Variants in RPS6KC1 observed in about 807,000 individuals in gnomAD.
RPS6KC1 encodes the protein inactive ribosomal protein S6 kinase delta-1.
In RPS6KC1, 54 loss-of-function variants were observed where a neutral mutation model predicts 103.8. That is an observed-to-expected ratio of 0.52 (90% CI 0.42 to 0.65). RPS6KC1 has a LOEUF of 0.65. Among genes scored for constraint, RPS6KC1 ranks in the 30% least tolerant of loss-of-function variants. The pLI is 0.00. For missense variants in RPS6KC1, 1,151 were observed against 1,253.8 expected, an observed-to-expected ratio of 0.92 and a Z score of 1.24; for synonymous variants, 439 against 438.7, an observed-to-expected ratio of 1.00 and a Z score of -0.01.
the RPS6KC1 span, among the ~76,000 whole-genome samples, chr1:213,503,706 C>G: frequency 6.6e-6 from 1 of 152,080 alleles, no homozygotes; most frequent in African/African-American, 2.4e-5. Flanking sequence ...AATCTTCATG[C>G]AAGAGATTGA....
chr1:213,360,133 A>G, the RPS6KC1 span, among the ~76,000 whole-genome samples: 1 of 152,208 alleles, frequency 6.6e-6, no homozygotes, highest in African/African-American at 2.4e-5. Context: ...GTTCTCCTGT[A>G]TAATATCCCG....
At chr1:213,746,574 A>T in the RPS6KC1 span, among the ~76,000 whole-genome samples, 3 of 152,340 alleles carry the variant, frequency 2.0e-5, no homozygotes, top group Middle Eastern at 3.4e-3. Context: ...GCCACTAGAG[A>T]ATTTTAAGCA....
chr1:213,435,944 C>T, the RPS6KC1 span, among the ~76,000 whole-genome samples: 1 of 152,082 alleles, frequency 6.6e-6, no homozygotes, highest in South Asian at 2.1e-4. Context: ...CCTCTGGGCT[C>T]TGCCTGAGTT....
the RPS6KC1 span, among the ~76,000 whole-genome samples, chr1:213,775,602 C>T: frequency 1.3e-3 from 198 of 152,326 alleles, 1 homozygote; most frequent in Non-Finnish European, 2.0e-3. Context: ...TTTGAGCCTT[C>T]AGCACATCAT....
intron 12 of RPS6KC1, among the ~76,000 whole-genome samples, chr1:213,258,652 A>T (rs1278679730): frequency 6.6e-6 from 1 of 152,196 alleles, no homozygotes; most frequent in Non-Finnish European, 1.5e-5. Flanking sequence ...TTTGAATGTT[A>T]TCTAATGGTC....
At chr1:213,398,232 G>T in the RPS6KC1 span, among the ~76,000 whole-genome samples, 1 of 132,896 alleles carries the variant, frequency 7.5e-6, no homozygotes, top group Non-Finnish European at 1.5e-5. Flanking sequence ...TTTTAGTAGA[G>T]ACAGGGTTTC....
chr1:213,690,437 T>C, the RPS6KC1 span, among the ~76,000 whole-genome samples: 45 of 152,106 alleles, frequency 3.0e-4, 1 homozygote, highest in Admixed American at 1.3e-4. Context: ...ACTGCATCAT[T>C]TCATTCGGTA....
chr1:213,629,404 A>G, the RPS6KC1 span, among the ~76,000 whole-genome samples: 1 of 151,718 alleles, frequency 6.6e-6, no homozygotes, highest in Non-Finnish European at 1.5e-5. Context: ...TAGGATTGCA[A>G]CCCCTGCCTT....
the RPS6KC1 span, among the ~76,000 whole-genome samples, chr1:213,594,663 G>T: frequency 6.6e-6 from 1 of 152,090 alleles, no homozygotes; most frequent in African/African-American, 2.4e-5. Flanking sequence ...CATTTATATA[G>T]TACTTACCAT....
the RPS6KC1 span, among the ~76,000 whole-genome samples, chr1:213,560,811 G>C: frequency 6.6e-6 from 1 of 152,198 alleles, no homozygotes; most frequent in African/African-American, 2.4e-5. Context: ...AGGTGTATTT[G>C]TGTCACAGTT....
chr1:213,174,480 G>A (rs1428332410), intron 7 of RPS6KC1, among the ~76,000 whole-genome samples: 6 of 151,870 alleles, frequency 4.0e-5, no homozygotes, highest in Admixed American at 6.6e-5. Context: ...AACCAGCCTC[G>A]CCAACATGAT....
chr1:213,609,725 T>A, the RPS6KC1 span, among the ~76,000 whole-genome samples: 1 of 150,196 alleles, frequency 6.7e-6, no homozygotes, highest in African/African-American at 2.4e-5. Flanking sequence ...AGGGCCAGAA[T>A]GAAGCCATCT....
At chr1:213,834,811 A>G in the RPS6KC1 span, among the ~76,000 whole-genome samples, 2 of 152,066 alleles carry the variant, frequency 1.3e-5, no homozygotes, top group African/African-American at 4.8e-5. Context: ...TGTTTTCCGC[A>G]TTCTGTATTT....
Position 213,274,669 on chromosome 1 carries a change from C to CT in RPS6KC1, c.*2037dup, listed in dbSNP as rs2095104880. 1 of 151,294 alleles carries CT rather than the reference C, an allele frequency of 6.6e-6. No individual in the cohort carries two copies. Among genetic ancestry groups the CT allele is most frequent in the Admixed American group, 6.6e-5 (1 of 15,216 alleles). The allele number at this position is 151,294 out of a possible 1,614,324, so 9.4% of individuals were successfully genotyped here. The stretch of plus-strand genomic sequence containing the variant: ...TGGTGTGTACATATTTTAAGCTGTA[C>CT]TTCTGTGAATGGTACTGATTTTTGT... On this transcript the variant is annotated 3_prime_UTR_variant, in exon 15 of 15. Transcript: ENST00000366960.
chr1:213,211,345 CA>C (rs1468772657), intron 8 of RPS6KC1, among the ~76,000 whole-genome samples: 1 of 152,180 alleles, frequency 6.6e-6, no homozygotes, highest in African/African-American at 2.4e-5. Context: ...AGATTCTTCA[CA>C]AAAACAGAAA....
At chr1:213,615,724 G>T in the RPS6KC1 span, among the ~76,000 whole-genome samples, 2 of 152,254 alleles carry the variant, frequency 1.3e-5, no homozygotes, top group Non-Finnish European at 2.9e-5. Context: ...CTGGAACTTT[G>T]CAAGCCAGCT....
chr1:213,372,968 G>A, the RPS6KC1 span, among the ~76,000 whole-genome samples: 2 of 152,152 alleles, frequency 1.3e-5, no homozygotes, highest in Non-Finnish European at 2.9e-5. Flanking sequence ...GAAGGTGTAT[G>A]TTTGACAAGC....
At position 213,102,486 on chromosome 1, in the gene RPS6KC1, G is replaced by T. The variant is rs368638588; in HGVS notation, c.263-1968G>T. On this transcript the variant is annotated intron_variant, in intron 3 of 14. Coordinates refer to ENST00000366960, the MANE Select transcript of RPS6KC1 (RefSeq NM_012424.6). ...TTGTATGTCATTTGTCTTTTAAAAA[G>T]ATTTCTGGGAAGCTACAGTATAATT... is the stretch of plus-strand genomic sequence containing the variant. 1.8e-4 allele frequency among the ~76,000 whole-genome samples: 27 copies of T among 152,220 alleles called. 1 individual carries two copies. The highest frequency in any genetic ancestry group is 5.1e-4 in the African/African-American group (21 of 41,542).
the RPS6KC1 span, among the ~76,000 whole-genome samples, chr1:213,517,918 T>C: frequency 2.0e-4 from 31 of 152,200 alleles, no homozygotes; most frequent in African/African-American, 7.0e-4. Flanking sequence ...TGCTCCTGTA[T>C]TGGGTGCATA....
Sources: gnomAD v4.1 joint callset for allele counts (sites outside exome capture counted in the v4.1 genomes callset) on GRCh38, gnomAD v4.1.1 for gene constraint, MANE v1.5 for transcripts, NCBI Gene and HGNC (gene_info 2026-07-23, HGNC 2026-07-21) for gene names.